Variants in CNRIP1 observed in about 807,000 individuals in gnomAD.
The protein encoded by CNRIP1 is CB1 cannabinoid receptor-interacting protein 1.
In CNRIP1, 10 loss-of-function variants were observed where a neutral mutation model predicts 15.2. The ratio of observed to expected loss-of-function variants is 0.66; its 90% CI spans 0.41 to 1.12. The LOEUF is 1.12. Ranked by LOEUF, CNRIP1 falls within the 50% of genes most tolerant of loss-of-function variation. The pLI is 0.00. For synonymous variants in CNRIP1, 91 were observed against 83.2 expected (o/e 1.09, Z -0.51); for missense variants, 211 against 214.7 (o/e 0.98, Z 0.11).
intron 2 of CNRIP1, among the ~76,000 whole-genome samples, chr2:68,313,843 CA>C (rs991707574): frequency 4.6e-5 from 7 of 152,016 alleles, no homozygotes; most frequent in Admixed American, 3.9e-4. Flanking sequence ...AATCCAGTGG[CA>C]AAAAGGTTCT....
At chr2:68,288,481 G>A (rs1671086314), downstream of CNRIP1, among the ~76,000 whole-genome samples, 1 of 152,132 alleles carries the variant, frequency 6.6e-6, no homozygotes, top group Non-Finnish European at 1.5e-5. Context: ...CAGGATTACT[G>A]TTAAAGTACT....
At chr2:68,315,312 T>C (rs114665768) in intron 2 of CNRIP1, among the ~76,000 whole-genome samples, 254 of 152,256 alleles carry the variant, frequency 1.7e-3, no homozygotes, top group Admixed American at 4.1e-3. Context: ...TATGTAAACA[T>C]GACAAACTAT....
chr2:68,316,375 G>A (rs1672271966), intron 2 of CNRIP1: 1 of 152,198 alleles, frequency 6.6e-6, no homozygotes, highest in African/African-American at 2.4e-5. Context: ...AGGGCAGACA[G>A]TTGAAGGTTG....
intron 1 of CNRIP1, 141 bp downstream of exon 1, chr2:68,319,081 G>A (rs1672387879): frequency 4.0e-6 from 3 of 756,388 alleles, no homozygotes; most frequent in Non-Finnish European, 6.0e-6. Context: ...GACAGGGAGT[G>A]ACCTCTTCCT....
intron 2 of CNRIP1, among the ~76,000 whole-genome samples, chr2:68,311,358 G>T (rs543124409): frequency 6.6e-6 from 1 of 151,462 alleles, no homozygotes; most frequent in African/African-American, 2.4e-5. Flanking sequence ...AGAAAACAAT[G>T]AAGTAGAAAA....
In CNRIP1 at chr2:68,319,601, C is replaced by A. The variant is rs1048644627; in HGVS notation, c.-201G>T. On this transcript the variant is annotated 5_prime_UTR_variant, in exon 1 of 3. Coordinates refer to ENST00000263655, the MANE Select transcript of CNRIP1 (RefSeq NM_015463.3). ...GAGCAGCTCCTTAGGCTGTGGCCCCCCTCCCCACTCGGCGAGGAAGCGGGC... is the reference window on the plus strand; with the variant it reads ...GAGCAGCTCCTTAGGCTGTGGCCCCACTCCCCACTCGGCGAGGAAGCGGGC... 9.5e-6 allele frequency: 5 copies of A among 524,410 alleles called. No homozygotes were observed. The African/African-American group carries it at 1.0e-4, about 11-fold the overall frequency. 32.5% of individuals were successfully genotyped at this position (524,410 alleles called of 1,614,324 possible).
At chr2:68,284,649 A>T (rs966325493) in intron 2 of CNRIP1, among the ~76,000 whole-genome samples, 1 of 151,980 alleles carries the variant, frequency 6.6e-6, no homozygotes, top group African/African-American at 2.4e-5. Context: ...CATCTCTACT[A>T]AAAATACAAA....
At chr2:68,297,567 C>CAAAAAAAAAAAAAAAAAAAAAAAAAAAA (rs112601365) in intron 2 of CNRIP1, among the ~76,000 whole-genome samples, 2 of 98,868 alleles carry the variant, frequency 2.0e-5, no homozygotes, top group Non-Finnish European at 2.1e-5. Context: ...GACACTGTCT[C>CAAAAAAAAAAAAAAAAAAAAAAAAAAAA]AAAAAAAAAA....
At chr2:68,301,547 C>T (rs570700786) in intron 2 of CNRIP1, among the ~76,000 whole-genome samples, 2 of 152,136 alleles carry the variant, frequency 1.3e-5, no homozygotes, top group South Asian at 4.2e-4. Context: ...AAGAAAAGGG[C>T]GGTGGGGAGA....
chr2:68,284,343 C>T lies in CNRIP1; in HGVS notation c.*85G>A, dbSNP rs141971791. On this transcript the variant is annotated 3_prime_UTR_variant, in exon 3 of 3. Coordinates refer to the CNRIP1 transcript ENST00000409559. ...GATAATTCTGATGGCCTGTGAGAAG[C>T]CCTCCCCTAGAATGCAAAGCAAATA... 2.6e-4 allele frequency: 215 copies of T among 817,830 alleles called. No individual in the cohort carries two copies. In the African/African-American group the frequency reaches 3.6e-3, roughly 14 times the overall value. The allele number at this position is 817,830 out of a possible 1,614,324, so 50.7% of individuals were successfully genotyped here. A position where few individuals can be genotyped will look rare whatever the true frequency, so the allele number is the denominator to read the frequency against.
intron 1 of CNRIP1, among the ~76,000 whole-genome samples, chr2:68,318,806 C>A (rs1393403315): frequency 1.3e-5 from 2 of 152,230 alleles, no homozygotes; most frequent in African/African-American, 4.8e-5. Context: ...GCGGGCAGAC[C>A]CTGTGGGCCG....
chr2:68,306,778 T>TAA (rs143458691), intron 2 of CNRIP1, among the ~76,000 whole-genome samples: 2 of 139,366 alleles, frequency 1.4e-5, no homozygotes, highest in African/African-American at 5.3e-5. Context: ...AAGACTCCAT[T>TAA]AAAAAAAAAA....
downstream of CNRIP1, among the ~76,000 whole-genome samples, chr2:68,289,149 T>C (rs1671101284): frequency 6.6e-6 from 1 of 152,208 alleles, no homozygotes; most frequent in African/African-American, 2.4e-5. Context: ...GACATCATTC[T>C]TGACCTTGAC....
chr2:68,293,003 C>G, downstream of CNRIP1: 1 of 985,126 alleles, frequency 1.0e-6, no homozygotes, highest in Non-Finnish European at 1.2e-6. Flanking sequence ...GAATGCAAGT[C>G]AGGGCATGAT....
chr2:68,292,255 C>T (rs1671192455), downstream of CNRIP1, among the ~76,000 whole-genome samples: 1 of 152,010 alleles, frequency 6.6e-6, no homozygotes, highest in South Asian at 2.1e-4. Flanking sequence ...ACAAAAAACA[C>T]AAGCTTATTG....
Position 68,297,323 on chromosome 2 carries a change from T to C in CNRIP1, c.331-3297A>G, listed in dbSNP as rs116476925. 4.2e-3 allele frequency among the ~76,000 whole-genome samples: 645 copies of C among 152,174 alleles called. 3 individuals are homozygous for C. The highest frequency in any genetic ancestry group is 0.015 in the African/African-American group (608 of 41,542). On this transcript the variant is annotated intron_variant, in intron 2 of 2. Coordinates refer to ENST00000263655, the MANE Select transcript of CNRIP1 (RefSeq NM_015463.3). ...GGCTCATGCCTGTAATGCCAGCACT[T>C]TGGGAGGCCAACATAGTAGTACCAC... is the stretch of plus-strand genomic sequence containing the variant.
intron 1 of CNRIP1, 78 bp from the exon 2 acceptor site, chr2:68,317,385 G>T: frequency 6.6e-7 from 1 of 1,504,168 alleles, no homozygotes; most frequent in Non-Finnish European, 9.1e-7. Flanking sequence ...AAAACTCTAG[G>T]CAGGAAACTT....
At chr2:68,298,144 T>C (rs1413926548) in intron 2 of CNRIP1, among the ~76,000 whole-genome samples, 5 of 152,178 alleles carry the variant, frequency 3.3e-5, no homozygotes, top group African/African-American at 1.2e-4. Flanking sequence ...TGGTGGTATG[T>C]ATAAATCAAA....
At chr2:68,296,789 C>T (rs1671378834) in intron 2 of CNRIP1, among the ~76,000 whole-genome samples, 1 of 152,098 alleles carries the variant, frequency 6.6e-6, no homozygotes, top group Non-Finnish European at 1.5e-5. Context: ...AGGTGTGTGC[C>T]ACTACGCCTG....
Sources: allele counts gnomAD v4.1 joint callset (sites outside exome capture counted in the v4.1 genomes callset), GRCh38; gene constraint gnomAD v4.1.1; transcripts MANE v1.5; gene names NCBI Gene and HGNC (gene_info 2026-07-23, HGNC 2026-07-21).